DISP1: variants seen among roughly 807,000 people sequenced by gnomAD.
DISP1 encodes the protein protein dispatched homolog 1.
DISP1 carries 30 observed loss-of-function variants against 37.3 expected under a neutral mutation model. That is an observed-to-expected ratio of 0.80 (90% CI 0.60 to 1.09). The LOEUF (loss-of-function observed/expected upper bound fraction) is 1.09. DISP1 is among the 50% of genes least tolerant of loss of function. The probability of loss-of-function intolerance (pLI) is 0.00; values close to 1 mark genes in which losing one functional copy is unlikely to be tolerated. For synonymous variants in DISP1, 634 were observed against 690.2 expected (o/e 0.92, Z 1.28); for missense variants, 1,598 against 1,879.5 (o/e 0.85, Z 2.77).
chr1:222,946,217 C>CA (rs11330653), intron 3 of DISP1, among the ~76,000 whole-genome samples: 32,748 of 127,674 alleles, frequency 0.26, 4,161 homozygotes, highest in South Asian at 0.47. Flanking sequence ...ACTAAAAATA[C>CA]AAAAAAAAAA....
At chr1:222,961,943 T>C (rs1572634021) in intron 3 of DISP1, among the ~76,000 whole-genome samples, 2 of 151,842 alleles carry the variant, frequency 1.3e-5, no homozygotes, top group African/African-American at 2.4e-5. Context: ...GAGGCAGAGG[T>C]TGCAGTGAGC....
chr1:222,847,002 A>G (rs1269545930), intron 1 of DISP1, among the ~76,000 whole-genome samples: 2 of 152,252 alleles, frequency 1.3e-5, no homozygotes. Context: ...TAATGCCACT[A>G]AATAGATTTC....
At chr1:222,911,313 G>C (rs965532849) in intron 1 of DISP1, among the ~76,000 whole-genome samples, 1 of 152,168 alleles carries the variant, frequency 6.6e-6, no homozygotes, top group African/African-American at 2.4e-5. Context: ...GTAAACCAGA[G>C]CCTGCTTCCA....
intron 1 of DISP1, among the ~76,000 whole-genome samples, chr1:222,913,167 A>G (rs1672302986): frequency 6.6e-6 from 1 of 152,192 alleles, no homozygotes; most frequent in Non-Finnish European, 1.5e-5. Context: ...CCTGTACCCC[A>G]CCTTCTTGGT....
Position 223,005,373 on chromosome 1 carries a change from G to T in DISP1, c.3976G>T (p.Val1326Leu), listed in dbSNP as rs549797135. The change falls in exon 9 of 9, where the codon GTG becomes TTG. Residue 1326 changes from valine to leucine, a missense_variant. Transcript: ENST00000675850. ...CACACACCAAGCTGTCGAGGGCTTT[G>T]TGCACCCCATCACGCACATCCACCA... ...KATHQAVEGF[V>L]HPITHIHHCP... The T allele has an allele frequency of 1.2e-6, 2 of 1,613,508 alleles. No individual in the cohort carries two copies. The highest frequency in any genetic ancestry group is 1.3e-5 in the African/African-American group (1 of 75,050).
At chr1:222,830,888 G>C (rs1665576456) in intron 1 of DISP1, 1 of 152,180 alleles carries the variant, frequency 6.6e-6, no homozygotes, top group African/African-American at 2.4e-5. Context: ...GTGAGATTGT[G>C]ACTGCTGCAT....
intron 1 of DISP1, chr1:222,837,454 C>T (rs1667306837): frequency 6.0e-6 from 1 of 167,532 alleles, no homozygotes; most frequent in African/African-American, 2.4e-5. Flanking sequence ...CAAAACACTA[C>T]CTTAAAGAGT....
intron 3 of DISP1, among the ~76,000 whole-genome samples, chr1:222,966,050 GGATGGATAGATA>G (rs921585466): frequency 3.3e-5 from 5 of 152,032 alleles, no homozygotes; most frequent in African/African-American, 9.7e-5. Context: ...ATGGATGGAT[GGATGGATAGATA>G]GAGATATTCT....
rs979792757 is a variant in DISP1, at chr1:222,879,567, G to A, written c.-158-48863G>A. On this transcript the variant is annotated intron_variant, in intron 1 of 8. Coordinates refer to ENST00000675850, the MANE Select transcript of DISP1 (RefSeq NM_001377229.1). ...AATGTGATTGTGTACATTTCTGTAGGTTATGAAGAATATCTTTTAATCTTT... is the reference window on the plus strand; with the variant it reads ...AATGTGATTGTGTACATTTCTGTAGATTATGAAGAATATCTTTTAATCTTT... Among the ~76,000 whole-genome samples the A allele has an allele frequency of 3.3e-5, 5 of 152,132 alleles. No homozygotes were observed. In the South Asian group the frequency reaches 1.0e-3, roughly 32 times the overall value.
chr1:222,840,276 C>T (rs1667510938), intron 1 of DISP1, among the ~76,000 whole-genome samples: 2 of 152,124 alleles, frequency 1.3e-5, no homozygotes, highest in Admixed American at 1.3e-4. Context: ...GAGTCTCACT[C>T]TGTCACCCAG....
intron 1 of DISP1, among the ~76,000 whole-genome samples, chr1:222,925,027 A>G (rs75893339): frequency 0.08 from 12,250 of 152,220 alleles, 681 homozygotes; most frequent in Non-Finnish European, 0.12. Flanking sequence ...TCGTAAGGTC[A>G]CTAGTACTTT....
chr1:222,953,259 A>G (rs1675359845), intron 3 of DISP1, among the ~76,000 whole-genome samples: 2 of 152,196 alleles, frequency 1.3e-5, no homozygotes, highest in African/African-American at 4.8e-5. Flanking sequence ...ACCAAATTTT[A>G]ATCTCCCTTC....
chr1:222,937,326 G>A (rs574674207), intron 2 of DISP1, among the ~76,000 whole-genome samples: 109 of 151,778 alleles, frequency 7.2e-4, no homozygotes, highest in African/African-American at 2.3e-3. Context: ...TCCTGACCTC[G>A]TGATCCACCC....
chr1:222,871,574 A>G (rs1298404270), intron 1 of DISP1, among the ~76,000 whole-genome samples: 1 of 152,212 alleles, frequency 6.6e-6, no homozygotes, highest in Non-Finnish European at 1.5e-5. Context: ...GAATACACTC[A>G]TGATTTGGCT....
intron 3 of DISP1, among the ~76,000 whole-genome samples, chr1:222,961,647 G>A (rs142886084): frequency 0.023 from 3,558 of 152,218 alleles, 138 homozygotes; most frequent in African/African-American, 0.081. Flanking sequence ...GAAATAAAGC[G>A]TATTCAAATA....
At chr1:222,972,700 A>G (rs1358505501) in intron 3 of DISP1, among the ~76,000 whole-genome samples, 1 of 152,156 alleles carries the variant, frequency 6.6e-6, no homozygotes, top group African/African-American at 2.4e-5. Flanking sequence ...TTCAGGGGCT[A>G]TTCTTTGGAC....
chr1:222,837,849 G>A (rs1407753584), intron 1 of DISP1, among the ~76,000 whole-genome samples: 2 of 152,122 alleles, frequency 1.3e-5, no homozygotes, highest in East Asian at 3.8e-4. Flanking sequence ...GTTACTTAAT[G>A]TTATAAAACG....
chr1:222,936,823 T>TTTATATATCATATATATG (rs1553331700), intron 2 of DISP1, among the ~76,000 whole-genome samples: 629 of 26,892 alleles, frequency 0.023, 26 homozygotes, highest in Middle Eastern at 0.059. Flanking sequence ...TTATATATAA[T>TTTATATATCATATATATG]ATATATAAAT....
chr1:222,862,845 T>C (rs1461643851), intron 1 of DISP1, among the ~76,000 whole-genome samples: 1 of 152,188 alleles, frequency 6.6e-6, no homozygotes, highest in Admixed American at 6.5e-5. Flanking sequence ...TCGTATCTTT[T>C]GCAGCTATTT....
Sources: allele counts gnomAD v4.1 joint callset (sites outside exome capture counted in the v4.1 genomes callset), GRCh38; gene constraint gnomAD v4.1.1; transcripts MANE v1.5; gene names NCBI Gene and HGNC (gene_info 2026-07-23, HGNC 2026-07-21).